NRBP1: variants seen among roughly 807,000 people sequenced by gnomAD.
The protein encoded by NRBP1 is nuclear receptor binding protein 1.
In NRBP1, 10 loss-of-function variants were observed where a neutral mutation model predicts 76.0. That is an observed-to-expected ratio of 0.13 (90% CI 0.08 to 0.22). The LOEUF is 0.22. Ranked by LOEUF, NRBP1 falls within the 10% of genes least tolerant of loss-of-function variation. The pLI is 1.00. For missense variants in NRBP1, 344 were observed against 646.0 expected, an observed-to-expected ratio of 0.53 and a Z score of 5.07; for synonymous variants, 235 against 240.2, an observed-to-expected ratio of 0.98 and a Z score of 0.20.
chr2:27,435,543 A>G (rs1664270300), intron 7 of NRBP1: 4 of 645,884 alleles, frequency 6.2e-6, no homozygotes, highest in Non-Finnish European at 1.1e-5. Flanking sequence ...AGGAGGTTCC[A>G]GGCTGTTCCT....
At chr2:27,441,668 C>G (rs766773820) in intron 17 of NRBP1, 40 bp from the exon 18 acceptor site, 5 of 1,612,402 alleles carry the variant, frequency 3.1e-6, no homozygotes, top group East Asian at 4.5e-5. Flanking sequence ...CATGCCTTCT[C>G]TTCTCTCAGC....
chr2:27,433,228 C>T (rs753466817), intron 1 of NRBP1, 26 bp from the exon 2 acceptor site: 2 of 1,511,738 alleles, frequency 1.3e-6, no homozygotes, highest in South Asian at 1.1e-5. Context: ...TGCCTTTTCC[C>T]TCTGTATTTG....
At chr2:27,429,175 C>A (rs1439328991) in intron 1 of NRBP1, 1 of 152,694 alleles carries the variant, frequency 6.5e-6, no homozygotes, top group Non-Finnish European at 1.5e-5. Context: ...GTCGGTCCGG[C>A]CTTTGATGAG....
At chr2:27,438,177 C>CAA (rs374457826) in intron 10 of NRBP1, among the ~76,000 whole-genome samples, 2 of 133,120 alleles carry the variant, frequency 1.5e-5, no homozygotes, top group African/African-American at 2.7e-5. Context: ...GAGACTGTCT[C>CAA]AAAAAAAAAA....
Position 27,433,244 on chromosome 2 carries a change from A to G in NRBP1, c.-20-10A>G, listed in dbSNP as rs778768568. The G allele has an allele frequency of 4.4e-6, 7 of 1,589,414 alleles. No individual in the cohort carries two copies. In the Admixed American group the frequency reaches 5.0e-5, roughly 11 times the overall value. On this transcript the variant is annotated splice_polypyrimidine_tract_variant and intron_variant, in intron 1 of 17. Transcript: ENST00000379852. ...GCCTTTTCCCTCTGTATTTGCCCCAACCAGTGCAGGCCTGAGTGTTCCTTC... is the reference window on the plus strand; with the variant it reads ...GCCTTTTCCCTCTGTATTTGCCCCAGCCAGTGCAGGCCTGAGTGTTCCTTC...
chr2:27,440,472 T>G lies in NRBP1; in HGVS notation c.1106T>G (p.Ile369Ser). The G allele has an allele frequency of 1.2e-6, 2 of 1,614,040 alleles. No homozygotes were observed. The highest frequency in any genetic ancestry group is 1.7e-6 in the Non-Finnish European group (2 of 1,179,962). The stretch of plus-strand genomic sequence containing the variant: ...GATACTAGTGCCGTACTGGCTGAAA[T>G]CCCTGCAGGACCAGGAAGAGAACCA... ...NMDTSAVLAE[I>S]PAGPGREPVQ... The change falls in exon 12 of 18, where the codon ATC becomes AGC. Residue 369 changes from isoleucine (I) to serine (S), a missense_variant. Around this residue, in one of 3 missense-constraint regions of NRBP1, gnomAD observed 218 missense variants for 309.8 expected, o/e 0.70. Coordinates refer to ENST00000379852, the MANE Select transcript of NRBP1 (RefSeq NM_013392.4).
At position 27,441,821 on chromosome 2, in the gene NRBP1, C is replaced by G; in HGVS notation, c.*9C>G. ...TCACCGTCTCCTCTTAGAGCTCACT[C>G]GGGCCAGGCCCTGATCTGCGCTGTG... is the stretch of plus-strand genomic sequence containing the variant. On this transcript the variant is annotated 3_prime_UTR_variant, in exon 18 of 18. Coordinates refer to ENST00000379852, the MANE Select transcript of NRBP1 (RefSeq NM_013392.4). 6.4e-7 allele frequency: 1 copy of G among 1,573,576 alleles called. No individual in the cohort carries two copies. The highest frequency in any genetic ancestry group is 8.7e-7 in the Non-Finnish European group (1 of 1,145,254).
rs1005036971 is a variant in NRBP1 at position 27,428,675 on chromosome 2, G to A, written c.-77G>A. On this transcript the variant is annotated 5_prime_UTR_variant, in exon 1 of 18. Transcript: ENST00000379852. ...GCTGTGAGGGAGTCGCTGTGATCCG[G>A]GGCCCCGGAACCCGAGCTGGAGCTG... 32 of 398,054 alleles carry A rather than the reference G, an allele frequency of 8.0e-5. No homozygotes were observed. Among genetic ancestry groups the A allele is most frequent in the South Asian group, 2.5e-4 (2 of 7,866 alleles). The allele number at this position is 398,054 out of a possible 1,614,324, so 24.7% of individuals were successfully genotyped here. A position where few individuals can be genotyped will look rare whatever the true frequency, so the allele number is the denominator to read the frequency against.
At chr2:27,439,270 G>A (rs1664428620) in intron 10 of NRBP1, among the ~76,000 whole-genome samples, 2 of 152,096 alleles carry the variant, frequency 1.3e-5, no homozygotes, top group African/African-American at 2.4e-5. Flanking sequence ...GGTGGATCAC[G>A]AGGTCAGGAG....
upstream of NRBP1, chr2:27,428,531 C>G (rs886581882): frequency 3.5e-5 from 14 of 395,930 alleles, no homozygotes; most frequent in Non-Finnish European, 5.8e-5. Flanking sequence ...GCCCGAGGGC[C>G]GGGCCCCGCC....
Position 27,441,815 on chromosome 2 carries a change from C to T in NRBP1, c.*3C>T, listed in dbSNP as rs759847694. On this transcript the variant is annotated 3_prime_UTR_variant, in exon 18 of 18. Coordinates refer to ENST00000379852, the MANE Select transcript of NRBP1 (RefSeq NM_013392.4). ...CCGCTGTCACCGTCTCCTCTTAGAG[C>T]TCACTCGGGCCAGGCCCTGATCTGC... The T allele has an allele frequency of 1.3e-6, 2 of 1,593,496 alleles. No homozygotes were observed. The highest frequency in any genetic ancestry group is 2.2e-5 in the East Asian group (1 of 44,786).
intron 10 of NRBP1, among the ~76,000 whole-genome samples, chr2:27,437,760 C>G (rs1382382840): frequency 6.6e-6 from 1 of 151,934 alleles, no homozygotes; most frequent in Non-Finnish European, 1.5e-5. Flanking sequence ...GTAGTCCCAG[C>G]TACTCAGGAG....
intron 10 of NRBP1, among the ~76,000 whole-genome samples, chr2:27,438,793 C>T (rs529837108): frequency 1.3e-5 from 2 of 152,102 alleles, no homozygotes; most frequent in African/African-American, 4.8e-5. Context: ...AACCCTATCT[C>T]TATGAAAAAA....
Position 27,440,434 on chromosome 2 carries a change from C to A in NRBP1, c.1068C>A (p.Ile356=). The A allele has an allele frequency of 6.2e-7, 1 of 1,613,844 alleles. No individual in the cohort carries two copies. The highest frequency in any genetic ancestry group is 8.5e-7 in the Non-Finnish European group (1 of 1,179,790). ...HMIPENALEE[I]TKNMDTSAVL... Reference sequence around the variant, plus strand: ...TCCCAGAGAACGCTCTAGAGGAGATCACCAAAAACATGGATACTAGTGCCG... The same window carrying A: ...TCCCAGAGAACGCTCTAGAGGAGATAACCAAAAACATGGATACTAGTGCCG... Residue 356 remains isoleucine, a synonymous_variant, in exon 12 of 18, where the codon ATC becomes ATA. Transcript: ENST00000379852.
chr2:27,436,705 A>G (rs368719897), intron 7 of NRBP1, 48 bp from the exon 8 acceptor site: 18 of 1,533,970 alleles, frequency 1.2e-5, no homozygotes, highest in East Asian at 4.5e-5. Flanking sequence ...GAGTGAGACT[A>G]TTCTTCATTG....
intron 1 of NRBP1, among the ~76,000 whole-genome samples, chr2:27,432,164 C>T (rs1664139163): frequency 6.6e-6 from 1 of 152,118 alleles, no homozygotes; most frequent in African/African-American, 2.4e-5. Flanking sequence ...TAGCTTAATT[C>T]TTGAGCACAG....
At chr2:27,435,047 G>T in intron 6 of NRBP1, 86 bp from the exon 7 acceptor site, 1 of 773,042 alleles carries the variant, frequency 1.3e-6, no homozygotes, top group Non-Finnish European at 2.2e-6. Context: ...ACCAGCAGGA[G>T]ACCTGGCCCT....
At chr2:27,436,424 G>C in intron 7 of NRBP1, 1 of 254,282 alleles carries the variant, frequency 3.9e-6, no homozygotes, top group Non-Finnish European at 7.6e-6. Context: ...TTTAGGGAAG[G>C]TGAACGCAGT....
intron 2 of NRBP1, 45 bp from the exon 3 acceptor site, chr2:27,433,628 T>C (rs371475149): frequency 8.7e-6 from 14 of 1,612,448 alleles, no homozygotes; most frequent in African/African-American, 1.3e-5. Flanking sequence ...AAATGGAGGA[T>C]TTGTGAGATA....
Sources: gnomAD v4.1 joint callset for allele counts (sites outside exome capture counted in the v4.1 genomes callset) on GRCh38, gnomAD v4.1.1 for gene constraint, gnomAD v4.1.1 regional missense constraint, MANE v1.5 for transcripts, NCBI Gene and HGNC (gene_info 2026-07-23, HGNC 2026-07-21) for gene names.